The following MTA3 variants were observed in gnomAD, a reference collection of about 807,000 sequenced individuals.
The protein encoded by MTA3 is metastasis associated 1 family member 3.
A neutral mutation model predicts 83.5 loss-of-function variants in MTA3; 34 were observed. That is an observed-to-expected ratio of 0.41 (90% CI 0.31 to 0.54). MTA3 has a LOEUF of 0.54. MTA3 is among the 20% of genes least tolerant of loss of function. The pLI is 0.33. For synonymous variants in MTA3, 303 were observed against 252.7 expected (o/e 1.20, Z -1.89); for missense variants, 761 against 726.4 (o/e 1.05, Z -0.55).
At chr2:42,629,251 T>C (rs185655755) in intron 4 of MTA3, among the ~76,000 whole-genome samples, 1 of 152,142 alleles carries the variant, frequency 6.6e-6, no homozygotes, top group East Asian at 1.9e-4. Flanking sequence ...GGGTACTTTT[T>C]TGTATCTTTA....
intron 5 of MTA3, among the ~76,000 whole-genome samples, chr2:42,641,372 C>T (rs892637025): frequency 2.0e-5 from 3 of 151,822 alleles, no homozygotes; most frequent in Non-Finnish European, 4.4e-5. Context: ...ATATTCAAAG[C>T]AGAAAAAAGG....
At chr2:42,610,982 C>CTTTTTTTT (rs773889459) in intron 4 of MTA3, among the ~76,000 whole-genome samples, 1 of 136,000 alleles carries the variant, frequency 7.4e-6, no homozygotes, top group African/African-American at 2.7e-5. Context: ...CTTTTCTTTT[C>CTTTTTTTT]TTTTTTTTTT....
intron 5 of MTA3, among the ~76,000 whole-genome samples, chr2:42,642,706 G>A (rs1323442512): frequency 2.0e-5 from 3 of 148,634 alleles, no homozygotes; most frequent in Admixed American, 6.8e-5. Flanking sequence ...GTGCAATGGT[G>A]CAATCTTGGC....
In MTA3 at chr2:42,680,944, G is replaced by A. The variant is rs182249163; in HGVS notation, c.703-1457G>A. On this transcript the variant is annotated intron_variant, in intron 8 of 16. Coordinates refer to ENST00000405094, the MANE Select transcript of MTA3 (RefSeq NM_001330442.2). The stretch of plus-strand genomic sequence containing the variant: ...TTTTGTAGAGACGGGGTTTCACTGT[G>A]TTGGCCCAGGCTGGTCTCGAAGTCC... Among the ~76,000 whole-genome samples, 8 of 152,136 alleles carry A rather than the reference G, an allele frequency of 5.3e-5. No individual in the cohort carries two copies. The East Asian group carries it at 1.4e-3, about 26-fold the overall frequency.
At chr2:42,602,668 G>T (rs1682725252) in intron 3 of MTA3, among the ~76,000 whole-genome samples, 1 of 152,182 alleles carries the variant, frequency 6.6e-6, no homozygotes, top group Non-Finnish European at 1.5e-5. Context: ...GGACTGAGGG[G>T]TTCTCTAAAT....
chr2:42,509,375 C>T (rs1674793558), intron 2 of MTA3, among the ~76,000 whole-genome samples: 1 of 152,090 alleles, frequency 6.6e-6, no homozygotes, highest in African/African-American at 2.4e-5. Flanking sequence ...CTGTCTCCCA[C>T]AAGATGCTGT....
chr2:42,630,741 G>C (rs1002565016), intron 4 of MTA3, among the ~76,000 whole-genome samples: 1 of 152,158 alleles, frequency 6.6e-6, no homozygotes, highest in Non-Finnish European at 1.5e-5. Flanking sequence ...GTGTGATTGT[G>C]AGTGTAGCTG....
intron 2 of MTA3, among the ~76,000 whole-genome samples, chr2:42,541,031 A>ATT (rs1203752843): frequency 2.1e-5 from 3 of 139,946 alleles, no homozygotes; most frequent in Non-Finnish European, 4.7e-5. Flanking sequence ...CTTACTTCAA[A>ATT]TTTTTTTTTT....
intron 9 of MTA3, among the ~76,000 whole-genome samples, chr2:42,685,635 G>C (rs147518992): frequency 1.3e-5 from 2 of 152,298 alleles, no homozygotes; most frequent in African/African-American, 2.4e-5. Context: ...TGGGAAATGT[G>C]GATCTTAACC....
At chr2:42,666,563 A>G (rs952304293) in intron 8 of MTA3, among the ~76,000 whole-genome samples, 1 of 152,166 alleles carries the variant, frequency 6.6e-6, no homozygotes, top group East Asian at 1.9e-4. Flanking sequence ...ATAGCCCCAC[A>G]TAGTTAACTC....
chr2:42,682,108 T>C (rs1440730310), intron 8 of MTA3, among the ~76,000 whole-genome samples: 1 of 151,994 alleles, frequency 6.6e-6, no homozygotes, highest in African/African-American at 2.4e-5. Flanking sequence ...CTCAGGAGGC[T>C]GAGGCAGGAG....
intron 3 of MTA3, among the ~76,000 whole-genome samples, 171 bp downstream of exon 3, chr2:42,579,371 G>T (rs1367814447): frequency 6.7e-6 from 1 of 149,156 alleles, no homozygotes; most frequent in East Asian, 2.0e-4. Flanking sequence ...CTGGTGTTTG[G>T]TTTCAGTGTA....
At chr2:42,692,063 C>T (rs1692948476) in intron 9 of MTA3, among the ~76,000 whole-genome samples, 1 of 152,150 alleles carries the variant, frequency 6.6e-6, no homozygotes, top group South Asian at 2.1e-4. Context: ...TCCTGCCCCT[C>T]TTTCTCTACC....
chr2:42,594,728 A>ATATATATATATATATATTTTTTTTTTTT, intron 3 of MTA3, among the ~76,000 whole-genome samples: 2 of 24,044 alleles, frequency 8.3e-5, no homozygotes, highest in Non-Finnish European at 1.3e-4. Context: ...ATATATATAT[A>ATATATATATATATATATTTTTTTTTTTT]TTTTTTTTTT....
chr2:42,738,033 A>G (rs1025707330), intron 16 of MTA3, among the ~76,000 whole-genome samples: 7 of 152,212 alleles, frequency 4.6e-5, no homozygotes, highest in Non-Finnish European at 1.0e-4. Flanking sequence ...AGGCCAAGGC[A>G]GGCAGATTGC....
At chr2:42,567,917 C>G (rs565629674), upstream of MTA3, 1 of 152,408 alleles carries the variant, frequency 6.6e-6, no homozygotes, top group South Asian at 2.1e-4. Flanking sequence ...CAGTGCCCGT[C>G]TAGAGCCAGG....
In MTA3 at chr2:42,512,129, C is replaced by G. The variant is rs370198620; in HGVS notation, c.-141+16875C>G. On this transcript the variant is annotated intron_variant, in intron 2 of 17. Coordinates refer to the MTA3 transcript ENST00000405592. The stretch of plus-strand genomic sequence containing the variant: ...AGACTGGGAGGGTTTTTTTCTTTTT[C>G]TTTTTCCTTTTTTTTTTGTTTTTGT... Among the ~76,000 whole-genome samples the G allele has an allele frequency of 2.0e-5, 3 of 150,912 alleles. No individual in the cohort carries two copies. In the East Asian group the frequency reaches 5.8e-4, roughly 29 times the overall value.
chr2:42,551,485 T>C (rs1050500892), intron 2 of MTA3, among the ~76,000 whole-genome samples: 3 of 151,762 alleles, frequency 2.0e-5, no homozygotes, highest in African/African-American at 7.3e-5. Flanking sequence ...GTCACCACGC[T>C]GGCTTTATTT....
intron 8 of MTA3, among the ~76,000 whole-genome samples, chr2:42,664,269 G>C (rs999748567): frequency 6.6e-6 from 1 of 152,052 alleles, no homozygotes; most frequent in Non-Finnish European, 1.5e-5. Flanking sequence ...TTATAAAATT[G>C]AGTAGTATGG....
Sources: allele counts gnomAD v4.1 joint callset (sites outside exome capture counted in the v4.1 genomes callset), GRCh38; gene constraint gnomAD v4.1.1; transcripts MANE v1.5; gene names NCBI Gene and HGNC (gene_info 2026-07-23, HGNC 2026-07-21).